UPF2: variants seen among roughly 807,000 people sequenced by gnomAD.
UPF2 encodes the protein regulator of nonsense transcripts 2.
A neutral mutation model predicts 141.4 loss-of-function variants in UPF2; 17 were observed. That is an observed-to-expected ratio of 0.12 (90% CI 0.08 to 0.18). UPF2 has a LOEUF of 0.18. Ranked by LOEUF, UPF2 falls within the 10% of genes least tolerant of loss-of-function variation. The probability of loss-of-function intolerance (pLI) is 1.00; values close to 1 mark genes in which losing one functional copy is unlikely to be tolerated. For synonymous variants in UPF2, 540 were observed against 498.0 expected (o/e 1.08, Z -1.12); for missense variants, 1,152 against 1,515.9 (o/e 0.76, Z 3.99).
chr10:12,008,444 C>T (rs566494011), intron 4 of UPF2, among the ~76,000 whole-genome samples: 67 of 151,834 alleles, frequency 4.4e-4, no homozygotes, highest in African/African-American at 1.6e-3. Context: ...TCCTGGCTAA[C>T]ATAGTGAAAC....
rs887233343 is a variant in UPF2, at chr10:11,936,846, A to G, written c.3379-134T>C. 4 of 832,864 alleles carry G rather than the reference A, an allele frequency of 4.8e-6. No homozygotes were observed. The African/African-American group carries it at 7.0e-5, about 15-fold the overall frequency. 51.6% of individuals were successfully genotyped at this position (832,864 alleles called of 1,614,324 possible). On this transcript the variant is annotated intron_variant, in intron 18 of 21. Transcript: ENST00000357604. This position sits in a 1 kb window ranked among gnomAD's most constrained non-coding sequence, Gnocchi z 6.6. ...ATAAGAGCCATAACAGTCAACAATT[A>G]CAACCACCATAATACTCTTTCTGAA...
rs764410260 is a variant in UPF2 at position 11,943,133 on chromosome 10, T to C, written c.3210A>G (p.Glu1070=). 72 of 1,611,616 alleles carry C rather than the reference T, an allele frequency of 4.5e-5. No individual in the cohort carries two copies. Among genetic ancestry groups the C allele is most frequent in the Non-Finnish European group, 5.9e-5 (70 of 1,179,248 alleles). ...GGTAATCTGTATTCTCTTCCTCCTC[T>C]TCTTCTCCCTCATCATCATCATTAT... ...GSDNDDDEGE[E]EEEENTDYLT... is the part of the protein sequence containing the mutation. Residue 1070 remains glutamate (E), a synonymous_variant, in exon 17 of 22, where the codon GAA becomes GAG. Coordinates refer to ENST00000357604, the MANE Select transcript of UPF2 (RefSeq NM_015542.4).
intron 4 of UPF2, among the ~76,000 whole-genome samples, chr10:12,010,063 C>G (rs1834101616): frequency 6.6e-6 from 1 of 152,178 alleles, no homozygotes. Context: ...AAGATACTGC[C>G]TCAGTATTAG....
At chr10:11,978,233 T>C (rs945098382) in intron 9 of UPF2, among the ~76,000 whole-genome samples, 5 of 152,238 alleles carry the variant, frequency 3.3e-5, no homozygotes, top group Non-Finnish European at 7.3e-5. Context: ...AGAGAAAGCG[T>C]GTGCGGACAT....
intron 12 of UPF2, among the ~76,000 whole-genome samples, chr10:11,957,495 G>A (rs922438137): frequency 1.3e-5 from 2 of 151,552 alleles, no homozygotes; most frequent in Non-Finnish European, 2.9e-5. Flanking sequence ...TGCATAATTT[G>A]ACATAAATAA....
chr10:11,970,691 A>G (rs984283796), intron 9 of UPF2, among the ~76,000 whole-genome samples: 1 of 152,160 alleles, frequency 6.6e-6, no homozygotes, highest in East Asian at 1.9e-4. Context: ...ACGTGCCTGT[A>G]ATCCCAGCTA....
intron 3 of UPF2, among the ~76,000 whole-genome samples, chr10:12,020,698 CTA>C (rs1256807548): frequency 1.3e-5 from 2 of 152,172 alleles, no homozygotes; most frequent in African/African-American, 4.8e-5. Context: ...TATGAATTCA[CTA>C]TATGATTCAC....
Position 11,985,403 on chromosome 10 carries a change from A to C in UPF2, c.1845-6238T>G, listed in dbSNP as rs185505676. On this transcript the variant is annotated intron_variant, in intron 8 of 21. Transcript: ENST00000357604. ...CTGTAATCCCAGCACTTTGGGAGGCAGAGGCTGGCGGATCACGAGGTCAGG... is the reference window on the plus strand; with the variant it reads ...CTGTAATCCCAGCACTTTGGGAGGCCGAGGCTGGCGGATCACGAGGTCAGG... Among the ~76,000 whole-genome samples the C allele has an allele frequency of 3.4e-3, 517 of 152,114 alleles. 1 individual carries two copies. The highest frequency in any genetic ancestry group is 0.012 in the African/African-American group (495 of 41,536).
chr10:12,020,887 A>T (rs929700045), intron 3 of UPF2, among the ~76,000 whole-genome samples: 30 of 152,142 alleles, frequency 2.0e-4, no homozygotes, highest in Admixed American at 5.2e-4. Flanking sequence ...ATAATTATCC[A>T]CTTTGTATGT....
chr10:11,962,731 C>T (rs1833259732), intron 11 of UPF2, among the ~76,000 whole-genome samples: 2 of 152,198 alleles, frequency 1.3e-5, no homozygotes, highest in South Asian at 4.1e-4. Flanking sequence ...AGGAAAAAAA[C>T]TCAAGCTCCT....
At chr10:12,005,940 C>G (rs1834028709) in intron 4 of UPF2, among the ~76,000 whole-genome samples, 1 of 152,044 alleles carries the variant, frequency 6.6e-6, no homozygotes, top group South Asian at 2.1e-4. Flanking sequence ...CGTGCAGTGA[C>G]ATGATCATAG....
Position 12,014,073 on chromosome 10 carries a change from A to C in UPF2, c.1257T>G (p.Leu419=), listed in dbSNP as rs1178971915. The change falls in exon 4 of 22, where the codon CTT becomes CTG. Residue 419 remains leucine, a synonymous_variant. Transcript: ENST00000357604. The surrounding 1 kb of genome is among the most constrained non-coding windows in gnomAD (Gnocchi z 5.0). Reference sequence around the variant, plus strand: ...GAAGATCTGGCATATTTTCATCCAAAAGGTCTGCTAAGGATTGAGAATTTG... The same window carrying C: ...GAAGATCTGGCATATTTTCATCCAACAGGTCTGCTAAGGATTGAGAATTTG... ...LLANSQSLAD[L]LDENMPDLPQ... 6.3e-7 allele frequency: 1 copy of C among 1,594,380 alleles called. No individual in the cohort carries two copies. Among genetic ancestry groups the C allele is most frequent in the Non-Finnish European group, 8.6e-7 (1 of 1,169,486 alleles).
chr10:11,994,938 T>G (rs1184682507), intron 8 of UPF2, among the ~76,000 whole-genome samples: 1 of 122,372 alleles, frequency 8.2e-6, no homozygotes, highest in East Asian at 2.6e-4. Context: ...ATCGCGCCAC[T>G]GCACTCCAGC....
chr10:11,988,975 C>A (rs1833738470), intron 8 of UPF2, among the ~76,000 whole-genome samples: 1 of 152,158 alleles, frequency 6.6e-6, no homozygotes, highest in Admixed American at 6.6e-5. Context: ...CCCTAGGGAT[C>A]AAGCCGTCCC....
chr10:11,988,614 C>T (rs998703929), intron 8 of UPF2, among the ~76,000 whole-genome samples: 1 of 152,118 alleles, frequency 6.6e-6, no homozygotes, highest in Non-Finnish European at 1.5e-5. Flanking sequence ...GGGAGGAGGA[C>T]GAGAATCTGA....
At chr10:11,989,434 C>T (rs1203235233) in intron 8 of UPF2, among the ~76,000 whole-genome samples, 1 of 152,112 alleles carries the variant, frequency 6.6e-6, no homozygotes, top group African/African-American at 2.4e-5. Flanking sequence ...GCCTGGGCAA[C>T]ATAGCAAGAC....
At chr10:11,961,439 C>G (rs117205058) in intron 11 of UPF2, among the ~76,000 whole-genome samples, 9,105 of 151,402 alleles carry the variant, frequency 0.06, 373 homozygotes, top group Non-Finnish European at 0.092. Flanking sequence ...GAGGCCCAAG[C>G]AGAAAGAAAG....
At chr10:11,945,413 T>G (rs1386033692) in intron 16 of UPF2, among the ~76,000 whole-genome samples, 1 of 152,242 alleles carries the variant, frequency 6.6e-6, no homozygotes, top group Non-Finnish European at 1.5e-5. Context: ...TTTAATAAAT[T>G]TCTCCTCCTT....
chr10:12,026,646 CTT>C (rs760035093), intron 3 of UPF2: 9,209 of 376,098 alleles, frequency 0.024, 39 homozygotes, highest in African/African-American at 0.052. Context: ...TTCCTATAAA[CTT>C]TTTTTTTTTT....
Sources: allele counts gnomAD v4.1 joint callset (sites outside exome capture counted in the v4.1 genomes callset), GRCh38; gene constraint gnomAD v4.1.1; non-coding constraint Gnocchi (gnomAD v3.1); transcripts MANE v1.5; gene names NCBI Gene and HGNC (gene_info 2026-07-23, HGNC 2026-07-21).